ADGRB3: variants seen among roughly 807,000 people sequenced by gnomAD.
The protein encoded by ADGRB3 is brain-specific angiogenesis inhibitor 3.
A neutral mutation model predicts 193.4 loss-of-function variants in ADGRB3; 37 were observed. The ratio of observed to expected loss-of-function variants is 0.19; its 90% CI spans 0.15 to 0.25. The LOEUF (loss-of-function observed/expected upper bound fraction) is 0.25, where lower values mean the gene tolerates loss of function less well. Among genes scored for constraint, ADGRB3 ranks in the 10% least tolerant of loss-of-function variants. The pLI is 1.00. For synonymous variants in ADGRB3, 690 were observed against 644.2 expected, an observed-to-expected ratio of 1.07 and a Z score of -1.08; for missense variants, 1,637 against 1,852.9, an observed-to-expected ratio of 0.88 and a Z score of 2.14.
chr6:69,030,683 G>T (rs1770617763), intron 13 of ADGRB3, among the ~76,000 whole-genome samples: 1 of 152,166 alleles, frequency 6.6e-6, no homozygotes, highest in Non-Finnish European at 1.5e-5. Context: ...GGGTTGATGG[G>T]TGCAGCAAAC....
At chr6:68,662,961 A>T (rs943050527) in intron 3 of ADGRB3, among the ~76,000 whole-genome samples, 2 of 150,928 alleles carry the variant, frequency 1.3e-5, no homozygotes, top group Non-Finnish European at 3.0e-5. Context: ...TTCTGATATT[A>T]TATAAACTTT....
At chr6:68,652,578 C>A (rs1415443705) in intron 3 of ADGRB3, among the ~76,000 whole-genome samples, 1 of 152,114 alleles carries the variant, frequency 6.6e-6, no homozygotes, top group East Asian at 1.9e-4. Context: ...ATGTGTTTTT[C>A]TCACATACTA....
chr6:68,801,695 A>T lies in ADGRB3; in HGVS notation c.758-128864A>T, dbSNP rs574457402. On this transcript the variant is annotated intron_variant, in intron 3 of 31. Transcript: ENST00000370598. The stretch of plus-strand genomic sequence containing the variant: ...CAAGAGCGAAACTCCATCTAAAAAA[A>T]TAAAAATAAAAACAAAAATAAAATA... 6.3e-4 allele frequency among the ~76,000 whole-genome samples: 96 copies of T among 152,276 alleles called. 1 individual carries two copies. The highest frequency in any genetic ancestry group is 3.4e-4 in the Non-Finnish European group (23 of 68,024).
At chr6:69,050,412 C>A (rs1771359307) in intron 15 of ADGRB3, among the ~76,000 whole-genome samples, 1 of 152,154 alleles carries the variant, frequency 6.6e-6, no homozygotes, top group Non-Finnish European at 1.5e-5. Flanking sequence ...CCCTTCTCCT[C>A]TGAATAGAAT....
chr6:68,821,892 C>T (rs1294032500), intron 3 of ADGRB3, among the ~76,000 whole-genome samples: 5 of 151,794 alleles, frequency 3.3e-5, no homozygotes, highest in Admixed American at 6.6e-5. Flanking sequence ...ACATAGTATG[C>T]GTTTGACACT....
At chr6:69,106,189 G>GAA in intron 17 of ADGRB3, among the ~76,000 whole-genome samples, 1 of 106,018 alleles carries the variant, frequency 9.4e-6, no homozygotes, top group African/African-American at 3.3e-5. Flanking sequence ...AAAAAGAAAA[G>GAA]AAAAGAAAAA....
intron 17 of ADGRB3, among the ~76,000 whole-genome samples, chr6:69,154,628 T>C (rs1327314954): frequency 6.6e-6 from 1 of 152,188 alleles, no homozygotes; most frequent in East Asian, 1.9e-4. Context: ...CAGAGCACCC[T>C]TTACCTCCCA....
At chr6:69,167,544 A>T (rs1775160380) in intron 17 of ADGRB3, among the ~76,000 whole-genome samples, 2 of 152,090 alleles carry the variant, frequency 1.3e-5, no homozygotes, top group Non-Finnish European at 2.9e-5. Flanking sequence ...TTCTCACCAA[A>T]CATCTAAATT....
At chr6:68,878,390 G>C (rs1765647827) in intron 3 of ADGRB3, among the ~76,000 whole-genome samples, 1 of 151,744 alleles carries the variant, frequency 6.6e-6, no homozygotes, top group Admixed American at 6.6e-5. Flanking sequence ...GCTAAGGAAA[G>C]TATTTGCAGT....
chr6:68,867,969 T>C (rs1258559610), intron 3 of ADGRB3, among the ~76,000 whole-genome samples: 1 of 152,208 alleles, frequency 6.6e-6, no homozygotes, highest in Non-Finnish European at 1.5e-5. Flanking sequence ...ACTTGCCTTG[T>C]CTCAGATGAG....
At chr6:69,029,794 T>C (rs1342029342) in intron 13 of ADGRB3, among the ~76,000 whole-genome samples, 1 of 152,072 alleles carries the variant, frequency 6.6e-6, no homozygotes, top group Non-Finnish European at 1.5e-5. Context: ...TAAGATTTCC[T>C]ATAATAATAC....
chr6:69,155,310 A>G (rs1212492810), intron 17 of ADGRB3, among the ~76,000 whole-genome samples: 1 of 152,234 alleles, frequency 6.6e-6, no homozygotes, highest in African/African-American at 2.4e-5. Flanking sequence ...GACAAGATAA[A>G]CATCTACATC....
At chr6:69,332,829 G>C in intron 23 of ADGRB3, 94 bp from the exon 24 acceptor site, 1 of 1,537,244 alleles carries the variant, frequency 6.5e-7, no homozygotes, top group Non-Finnish European at 8.7e-7. Context: ...GTGATACGGT[G>C]GTTATGAATT....
intron 3 of ADGRB3, among the ~76,000 whole-genome samples, chr6:68,920,537 A>AAAAG (rs1767011380): frequency 1.3e-4 from 16 of 126,502 alleles, no homozygotes; most frequent in African/African-American, 4.6e-4. Context: ...AAAAAAAAAA[A>AAAAG]GTCCTAAAAA....
intron 28 of ADGRB3, among the ~76,000 whole-genome samples, chr6:69,359,624 T>C (rs537233166): frequency 6.6e-6 from 1 of 152,012 alleles, no homozygotes; most frequent in South Asian, 2.1e-4. Context: ...TTTCAACTTC[T>C]GCTTTAATGA....
intron 8 of ADGRB3, among the ~76,000 whole-genome samples, chr6:68,969,442 G>A (rs1406739039): frequency 6.6e-6 from 1 of 152,162 alleles, no homozygotes; most frequent in Non-Finnish European, 1.5e-5. Flanking sequence ...GGAATGGTAG[G>A]CTACAGCCCT....
intron 3 of ADGRB3, among the ~76,000 whole-genome samples, chr6:68,929,561 C>G (rs571182619): frequency 4.7e-4 from 72 of 152,196 alleles, no homozygotes; most frequent in African/African-American, 1.6e-3. Flanking sequence ...GACTTAAGGG[C>G]CTAGTAGTTT....
At chr6:68,834,847 A>G (rs1421990739) in intron 3 of ADGRB3, among the ~76,000 whole-genome samples, 1 of 152,186 alleles carries the variant, frequency 6.6e-6, no homozygotes, top group Non-Finnish European at 1.5e-5. Flanking sequence ...AGTAGAGTTC[A>G]AGATTTCGCT....
chr6:69,092,363 C>T (rs189312831), intron 17 of ADGRB3, among the ~76,000 whole-genome samples: 3 of 152,202 alleles, frequency 2.0e-5, no homozygotes, highest in East Asian at 1.9e-4. Flanking sequence ...TTTGAAGTAA[C>T]GTTCTAATTA....
Sources: allele counts gnomAD v4.1 joint callset (sites outside exome capture counted in the v4.1 genomes callset), GRCh38; gene constraint gnomAD v4.1.1; transcripts MANE v1.5; gene names NCBI Gene and HGNC (gene_info 2026-07-23, HGNC 2026-07-21).